CTNNA3: variants seen among roughly 807,000 people sequenced by gnomAD.
The protein encoded by CTNNA3 is catenin alpha-3.
Under a neutral mutation model 95.7 loss-of-function variants are expected in CTNNA3, and 76 were observed. That is an observed-to-expected ratio of 0.79 (90% CI 0.66 to 0.96). The LOEUF is 0.96. CTNNA3 is among the 40% of genes least tolerant of loss of function. The pLI is 0.00. For synonymous variants in CTNNA3, 431 were observed against 374.4 expected (o/e 1.15, Z -1.74); for missense variants, 1,191 against 1,089.8 (o/e 1.09, Z -1.31).
intron 7 of CTNNA3, among the ~76,000 whole-genome samples, chr10:66,833,597 A>G (rs1842797599): frequency 6.6e-6 from 1 of 152,198 alleles, no homozygotes; most frequent in Admixed American, 6.5e-5. Flanking sequence ...CTTACTCACC[A>G]TCAACAAGCT....
chr10:66,795,516 C>T (rs1168213575), intron 7 of CTNNA3, among the ~76,000 whole-genome samples: 1 of 152,124 alleles, frequency 6.6e-6, no homozygotes, highest in Non-Finnish European at 1.5e-5. Flanking sequence ...TTACAGAATA[C>T]AGGCAGAGTA....
chr10:66,389,125 T>C (rs1342120054), intron 11 of CTNNA3, among the ~76,000 whole-genome samples: 1 of 152,166 alleles, frequency 6.6e-6, no homozygotes, highest in Non-Finnish European at 1.5e-5. Flanking sequence ...TACAACTTCC[T>C]ACTGTTGAAT....
chr10:67,099,224 T>A (rs1464147953), intron 7 of CTNNA3: 1 of 151,710 alleles, frequency 6.6e-6, no homozygotes, highest in Non-Finnish European at 1.5e-5. Context: ...AAAACCTGAG[T>A]CTTTAGAAGC....
intron 7 of CTNNA3, among the ~76,000 whole-genome samples, chr10:67,164,107 T>A (rs1458790501): frequency 6.6e-6 from 1 of 151,802 alleles, no homozygotes; most frequent in African/African-American, 2.4e-5. Context: ...TTTTAGACAT[T>A]AAAAATTATT....
intron 5 of CTNNA3, among the ~76,000 whole-genome samples, chr10:67,240,249 A>G (rs921479524): frequency 1.3e-5 from 2 of 152,326 alleles, no homozygotes; most frequent in Non-Finnish European, 2.9e-5. Context: ...TTTGGATTCC[A>G]TTATGGGTTG....
At chr10:66,685,043 T>G (rs1847200619) in intron 9 of CTNNA3, among the ~76,000 whole-genome samples, 1 of 151,000 alleles carries the variant, frequency 6.6e-6, no homozygotes, top group Non-Finnish European at 1.5e-5. Context: ...TTTGAATTAT[T>G]GCATTTGCTA....
intron 15 of CTNNA3, among the ~76,000 whole-genome samples, chr10:66,006,502 C>T (rs992016843): frequency 3.9e-5 from 6 of 152,144 alleles, no homozygotes; most frequent in Admixed American, 2.6e-4. Flanking sequence ...GCCTTCCACA[C>T]ATTACTTCTC....
intron 13 of CTNNA3, among the ~76,000 whole-genome samples, chr10:66,128,909 A>T (rs542015526): frequency 2.6e-5 from 4 of 151,898 alleles, no homozygotes; most frequent in Non-Finnish European, 5.9e-5. Context: ...TATCTCTGTA[A>T]CTTTTATTCA....
chr10:66,394,663 T>A (rs2132539935), intron 11 of CTNNA3, among the ~76,000 whole-genome samples: 1 of 151,288 alleles, frequency 6.6e-6, no homozygotes, highest in Middle Eastern at 3.4e-3. Flanking sequence ...TATTATGCAA[T>A]AAAACCATTC....
intron 15 of CTNNA3, among the ~76,000 whole-genome samples, chr10:66,013,792 T>C (rs2079046700): frequency 6.6e-6 from 1 of 152,234 alleles, no homozygotes; most frequent in African/African-American, 2.4e-5. Context: ...TATGCTATTA[T>C]GACAGGTGTT....
chr10:67,361,008 CA>C (rs1279385839), intron 5 of CTNNA3, among the ~76,000 whole-genome samples: 1 of 149,196 alleles, frequency 6.7e-6, no homozygotes, highest in African/African-American at 2.5e-5. Context: ...AAACCATCTA[CA>C]GTAAAAAAAA....
chr10:66,161,280 T>C (rs951698636), intron 13 of CTNNA3, among the ~76,000 whole-genome samples: 8 of 152,218 alleles, frequency 5.3e-5, no homozygotes, highest in Non-Finnish European at 1.0e-4. Flanking sequence ...CTTGTGTTTT[T>C]GTTTTATAGG....
At chr10:66,113,878 T>C (rs921929813) in intron 13 of CTNNA3, among the ~76,000 whole-genome samples, 2 of 152,130 alleles carry the variant, frequency 1.3e-5, no homozygotes, top group African/African-American at 4.8e-5. Flanking sequence ...CGCACAGCAA[T>C]TGCTGATGCC....
At chr10:66,294,512 T>C (rs1318643965) in intron 12 of CTNNA3, among the ~76,000 whole-genome samples, 1 of 152,166 alleles carries the variant, frequency 6.6e-6, no homozygotes, top group Non-Finnish European at 1.5e-5. Flanking sequence ...ACATTATGAA[T>C]ATAGAAGTCT....
At chr10:66,434,903 CAT>C (rs2093326186) in intron 11 of CTNNA3, among the ~76,000 whole-genome samples, 2 of 149,096 alleles carry the variant, frequency 1.3e-5, no homozygotes, top group East Asian at 2.0e-4. Context: ...TTGAGATAAT[CAT>C]GTGTTTTTTT....
intron 7 of CTNNA3, among the ~76,000 whole-genome samples, chr10:66,906,503 C>A (rs988364187): frequency 6.6e-6 from 1 of 152,120 alleles, no homozygotes; most frequent in Admixed American, 6.6e-5. Flanking sequence ...AAAGTATCTT[C>A]AAAGGTCCAC....
intron 13 of CTNNA3, among the ~76,000 whole-genome samples, chr10:66,185,343 T>A (rs187048594): frequency 6.6e-6 from 1 of 152,156 alleles, no homozygotes. Context: ...GATATAACCT[T>A]ACCCCCACTT....
At chr10:67,000,718 A>G (rs773164957) in intron 7 of CTNNA3, among the ~76,000 whole-genome samples, 101 of 152,330 alleles carry the variant, frequency 6.6e-4, no homozygotes, top group Middle Eastern at 6.8e-3. Flanking sequence ...TGTAAAGTCA[A>G]TTAGTATAAA....
At chr10:66,444,734 A>G (rs1167832804) in intron 11 of CTNNA3, among the ~76,000 whole-genome samples, 1 of 152,236 alleles carries the variant, frequency 6.6e-6, no homozygotes, top group African/African-American at 2.4e-5. Context: ...CAAAATGTAA[A>G]GACCATCAAG....
Sources: gnomAD v4.1 joint callset for allele counts (sites outside exome capture counted in the v4.1 genomes callset) on GRCh38, gnomAD v4.1.1 for gene constraint, MANE v1.5 for transcripts, NCBI Gene and HGNC (gene_info 2026-07-23, HGNC 2026-07-21) for gene names.